Variants in HMCN1 observed in about 807,000 individuals in gnomAD.
HMCN1 encodes the protein hemicentin 1.
In HMCN1, 321 loss-of-function variants were observed where a neutral mutation model predicts 625.9. The observed-to-expected ratio is 0.51, with a 90% CI of 0.47 to 0.56. The LOEUF (loss-of-function observed/expected upper bound fraction) is 0.56, where lower values mean the gene tolerates loss of function less well. Among genes scored for constraint, HMCN1 ranks in the 20% least tolerant of loss-of-function variants. HMCN1 has a pLI of 0.00. For missense variants in HMCN1, 6,588 were observed against 6,887.3 expected, an observed-to-expected ratio of 0.96 and a Z score of 1.54; for synonymous variants, 2,425 against 2,417.6, an observed-to-expected ratio of 1.00 and a Z score of -0.09.
At chr1:186,177,552 A>G (rs1652676235) in intron 103 of HMCN1, among the ~76,000 whole-genome samples, 1 of 152,216 alleles carries the variant, frequency 6.6e-6, no homozygotes. Context: ...TATGGTTTAC[A>G]TTTGGAAAAG....
chr1:186,150,553 C>G (rs888965102), intron 93 of HMCN1, among the ~76,000 whole-genome samples: 1 of 151,632 alleles, frequency 6.6e-6, no homozygotes, highest in East Asian at 1.9e-4. Flanking sequence ...CTTGATAAAC[C>G]CTCACTCTAA....
intron 10 of HMCN1, among the ~76,000 whole-genome samples, chr1:185,930,900 C>G (rs2102491292): frequency 7.1e-6 from 1 of 141,258 alleles, no homozygotes; most frequent in Non-Finnish European, 1.5e-5. Flanking sequence ...CAATGACTTT[C>G]ACCCAATACA....
At chr1:186,150,141 A>AC (rs1650577991) in intron 93 of HMCN1, among the ~76,000 whole-genome samples, 1 of 151,996 alleles carries the variant, frequency 6.6e-6, no homozygotes, top group South Asian at 2.1e-4. Flanking sequence ...TGTAAAAAAA[A>AC]CGCAGTGTCT....
intron 4 of HMCN1, among the ~76,000 whole-genome samples, chr1:185,868,151 A>AAAC (rs568147274): frequency 2.0e-4 from 31 of 152,024 alleles, no homozygotes; most frequent in Middle Eastern, 3.4e-3. Context: ...AGAGCCAGAA[A>AAAC]AACAACAACA....
chr1:186,168,243 A>G (rs1358743657), intron 100 of HMCN1, among the ~76,000 whole-genome samples: 1 of 151,424 alleles, frequency 6.6e-6, no homozygotes, highest in Non-Finnish European at 1.5e-5. Context: ...GAGCCCAACC[A>G]AAAGAGGAAG....
rs373478640 is a variant in HMCN1 at position 186,019,629 on chromosome 1, T to C, written c.5559T>C (p.Ile1853=). The C allele has an allele frequency of 1.2e-4, 195 of 1,611,960 alleles. No homozygotes were observed. Among genetic ancestry groups the C allele is most frequent in the Non-Finnish European group, 1.5e-4 (182 of 1,178,368 alleles). The part of the protein sequence containing the change: ...PVALQCIANG[I]PNPSITWLKD... Reference sequence around the variant, plus strand: ...CCTTGCAGTGCATAGCCAATGGGATTCCAAATCCTTCCATTACATGGTTAA... The same window carrying C: ...CCTTGCAGTGCATAGCCAATGGGATCCCAAATCCTTCCATTACATGGTTAA... Residue 1853 remains isoleucine, a synonymous_variant, in exon 35 of 107, where the codon ATT becomes ATC. Coordinates refer to ENST00000271588, the MANE Select transcript of HMCN1 (RefSeq NM_031935.3).
At chr1:186,069,228 A>G (rs1658329583) in intron 50 of HMCN1, among the ~76,000 whole-genome samples, 1 of 152,238 alleles carries the variant, frequency 6.6e-6, no homozygotes, top group South Asian at 2.1e-4. Context: ...TTTTTACTTT[A>G]TATGTTGGTC....
At chr1:185,939,749 A>G (rs1250358687) in intron 11 of HMCN1, among the ~76,000 whole-genome samples, 1 of 152,114 alleles carries the variant, frequency 6.6e-6, no homozygotes, top group Admixed American at 6.5e-5. Context: ...AATGTGCCTT[A>G]TCGCTTTCAT....
chr1:185,960,000 T>C (rs1649895244), intron 11 of HMCN1, among the ~76,000 whole-genome samples: 1 of 152,190 alleles, frequency 6.6e-6, no homozygotes, highest in Non-Finnish European at 1.5e-5. Context: ...TATATCATTA[T>C]TTAACCTGAT....
chr1:185,998,100 A>G (rs899293412), intron 25 of HMCN1, among the ~76,000 whole-genome samples: 2 of 152,092 alleles, frequency 1.3e-5, no homozygotes, highest in Admixed American at 1.3e-4. Flanking sequence ...CCTCAGGGGA[A>G]TGTGAAAAGG....
At position 185,970,364 on chromosome 1, in the gene HMCN1, C is replaced by G; in HGVS notation, c.2242C>G (p.Leu748Val). The change falls in exon 15 of 107, where the codon CTC (leucine) becomes GTC (valine). Residue 748 changes from leucine (L) to valine (V), a missense_variant. Physicochemically the swap from Leu to Val is conservative, Grantham distance 32. Around this residue, in one of 3 missense-constraint regions of HMCN1, gnomAD observed 4,628 missense variants for 4,853.1 expected, o/e 0.95. Coordinates refer to ENST00000271588, the MANE Select transcript of HMCN1 (RefSeq NM_031935.3). ...GDLELRPSTF[L>V]IIDPLLGLLK... ...TCTTGAGTTGAGGCCCTCAACATTC[C>G]TCATTATTGACCCTCTCTTGGGACT... 1 of 1,613,774 alleles carries G rather than the reference C, an allele frequency of 6.2e-7. No individual in the cohort carries two copies. Among genetic ancestry groups the G allele is most frequent in the Non-Finnish European group, 8.5e-7 (1 of 1,179,720 alleles).
intron 68 of HMCN1, among the ~76,000 whole-genome samples, chr1:186,098,588 G>A (rs1049776927): frequency 7.2e-5 from 11 of 152,144 alleles, no homozygotes; most frequent in Non-Finnish European, 1.2e-4. Flanking sequence ...CACACTGTTG[G>A]TGGGATTGTA....
Position 186,001,338 on chromosome 1 carries a change from G to C in HMCN1, c.4110G>C (p.Val1370=), listed in dbSNP as rs967147302. Residue 1370 remains valine, a synonymous_variant, in exon 27 of 107, where the codon GTG becomes GTC. Coordinates refer to ENST00000271588, the MANE Select transcript of HMCN1 (RefSeq NM_031935.3). Reference sequence around the variant, plus strand: ...AAGATAAAGAACAAGTTACAAATGTGTCGGTGTTGTTAAATCAGCTGACCA... The same window carrying C: ...AAGATAAAGAACAAGTTACAAATGTCTCGGTGTTGTTAAATCAGCTGACCA... ...VIKDKEQVTN[V]SVLLNQLTNL... 6.2e-7 allele frequency: 1 copy of C among 1,612,004 alleles called. No homozygotes were observed. The highest frequency in any genetic ancestry group is 8.5e-7 in the Non-Finnish European group (1 of 1,178,488).
At chr1:185,899,999 T>G (rs1192226656) in intron 4 of HMCN1, among the ~76,000 whole-genome samples, 1 of 152,014 alleles carries the variant, frequency 6.6e-6, no homozygotes, top group African/African-American at 2.4e-5. Flanking sequence ...CTAACAAGCC[T>G]ATGGGTTGGA....
intron 36 of HMCN1, among the ~76,000 whole-genome samples, chr1:186,030,225 A>G (rs545231532): frequency 6.6e-6 from 1 of 152,072 alleles, no homozygotes; most frequent in Non-Finnish European, 1.5e-5. Flanking sequence ...TAGGTTGTGC[A>G]AGTCTTCTAT....
intron 4 of HMCN1, among the ~76,000 whole-genome samples, chr1:185,904,129 T>A (rs1458217178): frequency 6.6e-6 from 1 of 151,870 alleles, no homozygotes; most frequent in Non-Finnish European, 1.5e-5. Context: ...CAGATTCAAA[T>A]CTCTGAGTTC....
intron 89 of HMCN1, among the ~76,000 whole-genome samples, chr1:186,139,832 C>T (rs1649842072): frequency 1.3e-5 from 2 of 152,074 alleles, no homozygotes; most frequent in South Asian, 4.1e-4. Flanking sequence ...AAGTTTTCCT[C>T]CTCACCCCTA....
chr1:186,034,598 A>G (rs893581514), intron 36 of HMCN1, among the ~76,000 whole-genome samples: 2 of 151,974 alleles, frequency 1.3e-5, no homozygotes, highest in African/African-American at 4.8e-5. Flanking sequence ...CTCGAAACCT[A>G]TTGTTCTTCC....
At chr1:185,799,947 G>A (rs1192975930) in intron 1 of HMCN1, among the ~76,000 whole-genome samples, 1 of 152,150 alleles carries the variant, frequency 6.6e-6, no homozygotes, top group East Asian at 1.9e-4. Context: ...GGATAGGGTT[G>A]GGTTGGGCAC....
Sources: allele counts gnomAD v4.1 joint callset (sites outside exome capture counted in the v4.1 genomes callset), GRCh38; gene constraint gnomAD v4.1.1; regional missense constraint gnomAD v4.1.1; transcripts MANE v1.5; gene names NCBI Gene and HGNC (gene_info 2026-07-23, HGNC 2026-07-21).